ADORA2B: variants seen among roughly 807,000 people sequenced by gnomAD.
The protein encoded by ADORA2B is adenosine receptor A2b.
ADORA2B carries 18 observed loss-of-function variants against 20.8 expected under a neutral mutation model. The observed-to-expected ratio is 0.87, with a 90% CI of 0.60 to 1.29. ADORA2B has a LOEUF of 1.29. Among genes scored for constraint, ADORA2B ranks in the 50% most tolerant of loss-of-function variants. The probability of loss-of-function intolerance (pLI) is 0.00; values close to 1 mark genes in which losing one functional copy is unlikely to be tolerated. For missense variants in ADORA2B, 441 were observed against 422.7 expected, an observed-to-expected ratio of 1.04 and a Z score of -0.38; for synonymous variants, 179 against 178.3, an observed-to-expected ratio of 1.00 and a Z score of -0.03.
intron 1 of ADORA2B, among the ~76,000 whole-genome samples, chr17:15,969,629 T>C (rs1424640447): frequency 6.6e-6 from 1 of 152,232 alleles, no homozygotes; most frequent in Non-Finnish European, 1.5e-5. Context: ...GGAATCATCC[T>C]CCAGTCTTCA....
the ADORA2B span, among the ~76,000 whole-genome samples, chr17:15,920,320 T>C: frequency 6.6e-6 from 1 of 152,202 alleles, no homozygotes; most frequent in Non-Finnish European, 1.5e-5. Context: ...TTCACCACTG[T>C]TCAGTATACC....
the ADORA2B span, among the ~76,000 whole-genome samples, chr17:15,897,767 CCTGAGAGGATGTGGGGAAT>C: frequency 2.0e-5 from 3 of 151,950 alleles, no homozygotes; most frequent in Admixed American, 1.3e-4. Context: ...ATTTGATAAC[CCTGAGAGGATGTGGGGAAT>C]CTAAGAAATG....
At chr17:15,903,831 C>A in the ADORA2B span, among the ~76,000 whole-genome samples, 6 of 152,060 alleles carry the variant, frequency 3.9e-5, no homozygotes, top group Non-Finnish European at 7.4e-5. Flanking sequence ...AGATTTTAGC[C>A]ACTCTAATAT....
the ADORA2B span, among the ~76,000 whole-genome samples, chr17:15,894,119 G>A: frequency 6.6e-6 from 1 of 152,070 alleles, no homozygotes; most frequent in Admixed American, 6.6e-5. Flanking sequence ...CCCTACACTC[G>A]GTCACTCAAG....
At chr17:15,867,499 C>G in the ADORA2B span, among the ~76,000 whole-genome samples, 2 of 149,172 alleles carry the variant, frequency 1.3e-5, no homozygotes, top group South Asian at 4.2e-4. Context: ...TGAGGAGCCC[C>G]TCTGCCCGGC....
the ADORA2B span, chr17:15,908,736 T>G: frequency 1.3e-5 from 2 of 153,506 alleles, no homozygotes; most frequent in African/African-American, 4.8e-5. Context: ...CCCAGCTAGA[T>G]GGACTTCAAA....
chr17:15,910,069 C>A, the ADORA2B span, among the ~76,000 whole-genome samples: 4 of 152,194 alleles, frequency 2.6e-5, no homozygotes, highest in Non-Finnish European at 5.9e-5. Context: ...TAATGCCCAT[C>A]CCTTGCTGTT....
chr17:15,937,261 T>G, the ADORA2B span, among the ~76,000 whole-genome samples: 2 of 152,214 alleles, frequency 1.3e-5, no homozygotes, highest in African/African-American at 4.8e-5. Flanking sequence ...TTCTGTGATG[T>G]CTGTATTTTT....
intron 1 of ADORA2B, among the ~76,000 whole-genome samples, chr17:15,961,634 G>A (rs932561865): frequency 1.3e-5 from 2 of 152,178 alleles, no homozygotes; most frequent in Non-Finnish European, 2.9e-5. Flanking sequence ...AATTTATAAT[G>A]AAAACAAATA....
At chr17:15,935,229 G>C in the ADORA2B span, among the ~76,000 whole-genome samples, 3 of 152,014 alleles carry the variant, frequency 2.0e-5, no homozygotes, top group Admixed American at 2.0e-4. Context: ...TGAATAAATA[G>C]CTTTAGTATT....
At chr17:15,853,555 A>G in the ADORA2B span, among the ~76,000 whole-genome samples, 72,570 of 152,080 alleles carry the variant, frequency 0.48, 19,871 homozygotes, top group African/African-American at 0.76. Flanking sequence ...GTACTACTCT[A>G]TAAATTAGAA....
chr17:15,907,175 G>A, the ADORA2B span, among the ~76,000 whole-genome samples: 1 of 151,972 alleles, frequency 6.6e-6, no homozygotes, highest in Non-Finnish European at 1.5e-5. Flanking sequence ...AGAGCAGTGT[G>A]GGTAGAAGGA....
the ADORA2B span, among the ~76,000 whole-genome samples, chr17:15,889,899 A>G: frequency 7.0e-5 from 9 of 128,694 alleles, 3 homozygotes; most frequent in South Asian, 7.0e-4. Context: ...CTCTGTCTCA[A>G]TAAATAAATA....
At chr17:15,950,560 G>A (rs551125638) in intron 1 of ADORA2B, among the ~76,000 whole-genome samples, 36 of 152,198 alleles carry the variant, frequency 2.4e-4, no homozygotes, top group East Asian at 1.5e-3. Flanking sequence ...GTCACTTCCC[G>A]GACCTCGTTG....
At chr17:15,934,616 CTCT>C in the ADORA2B span, among the ~76,000 whole-genome samples, 2 of 151,940 alleles carry the variant, frequency 1.3e-5, no homozygotes, top group Non-Finnish European at 2.9e-5. Flanking sequence ...CTTTTTAATT[CTCT>C]TGTCAATTAT....
the ADORA2B span, among the ~76,000 whole-genome samples, chr17:15,904,189 A>G: frequency 6.6e-6 from 1 of 152,134 alleles, no homozygotes; most frequent in African/African-American, 2.4e-5. Flanking sequence ...TATGTGGCCT[A>G]GACTGGTCTC....
the ADORA2B span, among the ~76,000 whole-genome samples, chr17:15,862,635 T>C: frequency 6.6e-6 from 1 of 152,134 alleles, no homozygotes; most frequent in African/African-American, 2.4e-5. Flanking sequence ...TGTAATTTAG[T>C]GGACAGTAAA....
chr17:15,944,716 C>T (rs1969774995), upstream of ADORA2B, among the ~76,000 whole-genome samples: 3 of 152,124 alleles, frequency 2.0e-5, no homozygotes. This position sits in a 1 kb window ranked among gnomAD's most constrained non-coding sequence, Gnocchi z 4.8. Context: ...ATCCAGTCGG[C>T]CTGCCCGGGG....
the ADORA2B span, among the ~76,000 whole-genome samples, chr17:15,897,954 A>G: frequency 3.9e-5 from 6 of 152,362 alleles, no homozygotes; most frequent in South Asian, 1.2e-3. Flanking sequence ...TATTTCTCCA[A>G]AACTTACTCA....
Sources: allele counts gnomAD v4.1 joint callset (sites outside exome capture counted in the v4.1 genomes callset), GRCh38; gene constraint gnomAD v4.1.1; non-coding constraint Gnocchi (gnomAD v3.1); transcripts MANE v1.5; gene names NCBI Gene and HGNC (gene_info 2026-07-23, HGNC 2026-07-21).